CACNA1C: variants seen among roughly 807,000 people sequenced by gnomAD.
CACNA1C encodes calcium voltage-gated channel subunit alpha1 C, also known as voltage-dependent L-type calcium channel subunit alpha-1C.
CACNA1C carries 30 observed loss-of-function variants against 229.0 expected under a neutral mutation model. The observed-to-expected ratio is 0.13, with a 90% CI of 0.10 to 0.18. The LOEUF is 0.18. Among genes scored for constraint, CACNA1C ranks in the 10% least tolerant of loss-of-function variants. The probability of loss-of-function intolerance (pLI) is 1.00; values close to 1 mark genes in which losing one functional copy is unlikely to be tolerated. For synonymous variants in CACNA1C, 1,114 were observed against 1,132.5 expected (o/e 0.98, Z 0.33); for missense variants, 1,658 against 2,845.0 (o/e 0.58, Z 9.49).
At chr12:2,642,899 A>C (rs2093882937) in intron 30 of CACNA1C, among the ~76,000 whole-genome samples, 1 of 152,224 alleles carries the variant, frequency 6.6e-6, no homozygotes, top group South Asian at 2.1e-4. Context: ...TCTGGCAGGT[A>C]ATAACACCTT....
At chr12:2,589,975 C>T (rs544521667) in intron 18 of CACNA1C, among the ~76,000 whole-genome samples, 1 of 152,252 alleles carries the variant, frequency 6.6e-6, no homozygotes, top group Non-Finnish European at 1.5e-5. Flanking sequence ...AAACTGTATC[C>T]ACCACCTGTG....
intron 3 of CACNA1C, among the ~76,000 whole-genome samples, chr12:2,300,255 A>G (rs1483523537): frequency 1.3e-5 from 2 of 152,226 alleles, no homozygotes; most frequent in East Asian, 3.8e-4. Flanking sequence ...ATCCAGAATG[A>G]ATTAATTTAC....
intron 3 of CACNA1C, among the ~76,000 whole-genome samples, chr12:2,265,177 T>G (rs1157681602): frequency 6.6e-6 from 1 of 152,114 alleles, no homozygotes; most frequent in Non-Finnish European, 1.5e-5. Flanking sequence ...TGGGGGTGGA[T>G]AGAGTGATGC....
In CACNA1C at chr12:2,474,533, T is replaced by A. The variant is rs548775431; in HGVS notation, c.758-11571T>A. 2.6e-5 allele frequency among the ~76,000 whole-genome samples: 4 copies of A among 152,078 alleles called. No individual in the cohort carries two copies. In the South Asian group the frequency reaches 8.3e-4, roughly 32 times the overall value. On this transcript the variant is annotated intron_variant, in intron 5 of 46. Transcript: ENST00000399655. ...ACTTTGGGAGGCCGAGGCAGGCAGATCACTTGAGGCCAGGAGTTTGAGACC... is the reference window on the plus strand; with the variant it reads ...ACTTTGGGAGGCCGAGGCAGGCAGAACACTTGAGGCCAGGAGTTTGAGACC...
At chr12:2,032,122 C>T (rs1310883537) in intron 1 of CACNA1C, among the ~76,000 whole-genome samples, 2 of 152,096 alleles carry the variant, frequency 1.3e-5, no homozygotes, top group African/African-American at 2.4e-5. Context: ...GGGAGCACGG[C>T]TTGCGGCAGT....
At chr12:1,985,370 C>G (rs1014575726) in intron 1 of CACNA1C, among the ~76,000 whole-genome samples, 1 of 152,124 alleles carries the variant, frequency 6.6e-6, no homozygotes, top group African/African-American at 2.4e-5. Flanking sequence ...ACTAACTCTT[C>G]TTTCCACTGT....
intron 3 of CACNA1C, among the ~76,000 whole-genome samples, chr12:2,340,084 G>C (rs1249732541): frequency 6.6e-6 from 1 of 152,282 alleles, no homozygotes; most frequent in East Asian, 1.9e-4. Context: ...AAGGTGTCCT[G>C]GTGTTCATAA....
At chr12:2,003,884 T>C (rs1271100919) in intron 1 of CACNA1C, among the ~76,000 whole-genome samples, 2 of 152,180 alleles carry the variant, frequency 1.3e-5, no homozygotes, top group Non-Finnish European at 2.9e-5. Context: ...TCTGCACTTT[T>C]ATTCGTCTGC....
rs141950863 is a variant in CACNA1C at position 2,552,776 on chromosome 12, A to G, written c.1481+2743A>G. 1.2e-4 allele frequency among the ~76,000 whole-genome samples: 19 copies of G among 152,044 alleles called. No individual in the cohort carries two copies. The East Asian group carries it at 3.1e-3, about 25-fold the overall frequency. On this transcript the variant is annotated intron_variant, in intron 10 of 46. Coordinates refer to ENST00000399655, the MANE Select transcript of CACNA1C (RefSeq NM_000719.7). The stretch of plus-strand genomic sequence containing the variant: ...TTGGGAGTCGGTCTCAGTGAGGGAG[A>G]TGGGGTGGAAATGGGCCACGACAGA...
At chr12:2,661,984 T>C (rs2095766842) in intron 34 of CACNA1C, among the ~76,000 whole-genome samples, 1 of 152,240 alleles carries the variant, frequency 6.6e-6, no homozygotes, top group Admixed American at 6.5e-5. Context: ...GGCTCACGCC[T>C]GTAATCCCAG....
chr12:2,426,215 T>TG (rs975475133), intron 3 of CACNA1C, among the ~76,000 whole-genome samples: 4 of 152,118 alleles, frequency 2.6e-5, no homozygotes. Context: ...GGTTAAAAAC[T>TG]GGGGGGTCTA....
At position 2,677,583 on chromosome 12, in the gene CACNA1C, TCA is replaced by T. The variant is rs1014241367; in HGVS notation, c.4957-139_4957-138del. On this transcript the variant is annotated intron_variant, in intron 40 of 46. Coordinates refer to ENST00000399655, the MANE Select transcript of CACNA1C (RefSeq NM_000719.7). The surrounding 1 kb of genome is among the most constrained non-coding windows in gnomAD (Gnocchi z 7.4). ...ATCAGAGGGCAGCCCAGCCCCCAGTTCACACACACACAAACCTTCCGGAGGGT... is the reference window on the plus strand; with the variant it reads ...ATCAGAGGGCAGCCCAGCCCCCAGTTCACACACACAAACCTTCCGGAGGGT... 1.1e-4 allele frequency: 97 copies of T among 854,906 alleles called. No individual in the cohort carries two copies. Among genetic ancestry groups the T allele is most frequent in the South Asian group, 3.7e-4 (22 of 58,782 alleles). The allele number at this position is 854,906 out of a possible 1,614,324, so 53.0% of individuals were successfully genotyped here. A position where few individuals can be genotyped will look rare whatever the true frequency, so the allele number is the denominator to read the frequency against.
In CACNA1C at chr12:2,309,159, TAAAAA is replaced by T. The variant is rs1023603418; in HGVS notation, c.478-139815_478-139811del. Among the ~76,000 whole-genome samples, 7 of 152,262 alleles carry T rather than the reference TAAAAA, an allele frequency of 4.6e-5. No homozygotes were observed. The East Asian group carries it at 5.8e-4, about 13-fold the overall frequency. On this transcript the variant is annotated intron_variant, in intron 3 of 46. Coordinates refer to ENST00000399655, the MANE Select transcript of CACNA1C (RefSeq NM_000719.7). ...TATATAATGGAATATTATTCAGTCT[TAAAAA>T]AGAAGGAAATCCTGCCCTTTGCAAC... is the stretch of plus-strand genomic sequence containing the variant.
chr12:2,063,917 G>A (rs2058432152), intron 1 of CACNA1C, among the ~76,000 whole-genome samples: 1 of 152,134 alleles, frequency 6.6e-6, no homozygotes, highest in African/African-American at 2.4e-5. Context: ...GGAATTGCTG[G>A]CCCTGCAATA....
rs2062223801 is a variant in CACNA1C at position 2,585,866 on chromosome 12, A to G, written c.2492A>G (p.Asn831Ser). 2 of 1,609,272 alleles carry G rather than the reference A, an allele frequency of 1.2e-6. No individual in the cohort carries two copies. The highest frequency in any genetic ancestry group is 8.5e-7 in the Non-Finnish European group (1 of 1,177,676). Residue 831 changes from asparagine (N) to serine (S), a missense_variant, in exon 18 of 47, where the codon AAT becomes AGT. Physicochemically the swap from Asn to Ser is conservative, Grantham distance 46. This residue lies in a region of CACNA1C where 121 missense variants were observed against 128.8 expected (regional missense o/e 0.94). Coordinates refer to ENST00000399655, the MANE Select transcript of CACNA1C (RefSeq NM_000719.7). This position sits in a 1 kb window ranked among gnomAD's most constrained non-coding sequence, Gnocchi z 4.1. Reference sequence around the variant, plus strand: ...ATGGATGACCTCCAGCCCAATGAAAATGAGGATAAGAGCCCCTACCCCAAC... The same window carrying G: ...ATGGATGACCTCCAGCCCAATGAAAGTGAGGATAAGAGCCCCTACCCCAAC... ...INMDDLQPNE[N>S]EDKSPYPNPE... is the part of the protein sequence containing the mutation.
In CACNA1C at chr12:2,595,955, T is replaced by C; in HGVS notation, c.2745T>C (p.Ile915=). 1 of 1,613,302 alleles carries C rather than the reference T, an allele frequency of 6.2e-7. No individual in the cohort carries two copies. The highest frequency in any genetic ancestry group is 8.5e-7 in the Non-Finnish European group (1 of 1,179,448). The part of the protein sequence containing the change: ...LILFFILLSS[I]SLAAEDPVQH... ...TCTTCTTCATTCTGCTCAGCAGCAT[T>C]TCCCTGGCTGCTGAGGACCCGGTCC... Residue 915 remains isoleucine (I), a synonymous_variant, in exon 20 of 47, where the codon ATT becomes ATC. Coordinates refer to ENST00000399655, the MANE Select transcript of CACNA1C (RefSeq NM_000719.7). The surrounding 1 kb of genome is among the most constrained non-coding windows in gnomAD (Gnocchi z 4.1).
chr12:2,256,089 A>AAGAC (rs1378934470), intron 3 of CACNA1C, among the ~76,000 whole-genome samples: 3 of 152,214 alleles, frequency 2.0e-5, no homozygotes, highest in African/African-American at 4.8e-5. Flanking sequence ...TTACAATCAC[A>AAGAC]CCTCCTGTTT....
chr12:2,012,019 C>T (rs180822020), intron 1 of CACNA1C, among the ~76,000 whole-genome samples: 63 of 152,312 alleles, frequency 4.1e-4, no homozygotes, highest in African/African-American at 1.4e-3. Context: ...ACTTATTGTT[C>T]TTACAACCTA....
chr12:2,246,096 G>A (rs1445143776), intron 3 of CACNA1C, among the ~76,000 whole-genome samples: 3 of 152,188 alleles, frequency 2.0e-5, no homozygotes, highest in Non-Finnish European at 4.4e-5. Context: ...CAAAGCACCT[G>A]CCGTTAGGGT....
Sources: allele counts gnomAD v4.1 joint callset (sites outside exome capture counted in the v4.1 genomes callset), GRCh38; gene constraint gnomAD v4.1.1; regional missense constraint gnomAD v4.1.1; non-coding constraint Gnocchi (gnomAD v3.1); transcripts MANE v1.5; gene names NCBI Gene and HGNC (gene_info 2026-07-23, HGNC 2026-07-21).